The following STK24 variants were observed in gnomAD, a reference collection of about 807,000 sequenced individuals.
STK24 encodes serine/threonine kinase 24.
A neutral mutation model predicts 55.6 loss-of-function variants in STK24; 21 were observed. That is an observed-to-expected ratio of 0.38 (90% confidence interval 0.27 to 0.54). The LOEUF (loss-of-function observed/expected upper bound fraction) is 0.54. STK24 is among the 20% of genes least tolerant of loss of function. The pLI, the probability that STK24 is intolerant of heterozygous loss-of-function variation, is 0.79. For synonymous variants in STK24, 200 were observed against 215.2 expected (o/e 0.93, Z 0.62); for missense variants, 383 against 538.4 (o/e 0.71, Z 2.86).
intron 9 of STK24, among the ~76,000 whole-genome samples, chr13:98,458,007 A>G (rs995400361): frequency 3.9e-5 from 6 of 152,228 alleles, no homozygotes; most frequent in African/African-American, 1.4e-4. Flanking sequence ...TTCTGATCTC[A>G]ACACTGCTTA....
At chr13:98,477,550 T>C (rs1894423250) in intron 3 of STK24, among the ~76,000 whole-genome samples, 1 of 151,890 alleles carries the variant, frequency 6.6e-6, no homozygotes, top group Admixed American at 6.6e-5. Context: ...TGGCACATGC[T>C]TGTAATCCCA....
chr13:98,540,107 G>T lies in STK24; in HGVS notation c.43-20634C>A, dbSNP rs1896847148. Among the ~76,000 whole-genome samples, 3 of 152,214 alleles carry T rather than the reference G, an allele frequency of 2.0e-5. No individual in the cohort carries two copies. In the South Asian group the frequency reaches 6.2e-4, roughly 32 times the overall value. On this transcript the variant is annotated intron_variant, in intron 1 of 10. Transcript: ENST00000539966. ...ACGTCATGCTAAGCAAAAGCAGCCAGTCACAAAGGAACACATACTGTGTGA... is the reference window on the plus strand; with the variant it reads ...ACGTCATGCTAAGCAAAAGCAGCCATTCACAAAGGAACACATACTGTGTGA...
chr13:98,506,846 A>C (rs575242918), intron 2 of STK24, among the ~76,000 whole-genome samples: 1 of 152,360 alleles, frequency 6.6e-6, no homozygotes, highest in Non-Finnish European at 1.5e-5. Context: ...TAGGACAAAT[A>C]CAGTCTTTTG....
chr13:98,565,313 G>A (rs1175342753), intron 1 of STK24, among the ~76,000 whole-genome samples: 4 of 151,912 alleles, frequency 2.6e-5, no homozygotes, highest in Non-Finnish European at 4.4e-5. Flanking sequence ...AACCCCTCCA[G>A]GTGACACTGA....
chr13:98,564,177 T>G (rs913204909), intron 1 of STK24, among the ~76,000 whole-genome samples: 2 of 152,234 alleles, frequency 1.3e-5, no homozygotes, highest in African/African-American at 2.4e-5. Flanking sequence ...TTCTGAAATA[T>G]ATGTATAGTA....
intron 2 of STK24, 31 bp downstream of exon 2, chr13:98,519,212 G>C (rs753834874): frequency 6.3e-7 from 1 of 1,578,926 alleles, no homozygotes; most frequent in Non-Finnish European, 8.7e-7. Context: ...AAGTGCTGCA[G>C]AACGGAGAAG....
rs1180327064 is a variant in STK24, at chr13:98,450,936, C to T, written c.*2237G>A. On this transcript the variant is annotated 3_prime_UTR_variant, in exon 11 of 11. Transcript: ENST00000539966. ...GGCGAGCTTTCTAACTCCATCAAAC[C>T]CCACCTCCCCCGACAGGAAATGCTG... 6.6e-6 allele frequency: 1 copy of T among 152,166 alleles called. No homozygotes were observed. Among genetic ancestry groups the T allele is most frequent in the African/African-American group, 2.4e-5 (1 of 41,426 alleles). The allele number at this position is 152,166 out of a possible 1,614,324, so 9.4% of individuals were successfully genotyped here. A position where few individuals can be genotyped will look rare whatever the true frequency, so the allele number is the denominator to read the frequency against.
intron 1 of STK24, among the ~76,000 whole-genome samples, chr13:98,541,470 AC>A (rs547576886): frequency 6.6e-6 from 1 of 152,190 alleles, no homozygotes; most frequent in Non-Finnish European, 1.5e-5. Flanking sequence ...TATTATGAAA[AC>A]TTTTGAGGTT....
Position 98,446,546 on chromosome 13 carries a change from C to T in STK24, c.*6627G>A. On this transcript the variant is annotated 3_prime_UTR_variant, in exon 11 of 11. Coordinates refer to ENST00000539966, the MANE Select transcript of STK24 (RefSeq NM_001032296.4). ...ACTGGCTGCCATGGTCCCTTCCAGG[C>T]CCACGCCCGAGGAGGGAGCTGCCTG... 1 of 1,027,932 alleles carries T rather than the reference C, an allele frequency of 9.7e-7. No individual in the cohort carries two copies. The highest frequency in any genetic ancestry group is 2.4e-5 in the East Asian group (1 of 42,046). 63.7% of individuals were successfully genotyped at this position (1,027,932 alleles called of 1,614,324 possible).
chr13:98,448,002 T>C lies in STK24; in HGVS notation c.*5171A>G, dbSNP rs1224396170. 2.3e-5 allele frequency: 13 copies of C among 569,814 alleles called. No homozygotes were observed. The highest frequency in any genetic ancestry group is 1.9e-4 in the Admixed American group (6 of 31,838). The allele number at this position is 569,814 out of a possible 1,614,324, so 35.3% of individuals were successfully genotyped here. On this transcript the variant is annotated 3_prime_UTR_variant, in exon 11 of 11. Coordinates refer to ENST00000539966, the MANE Select transcript of STK24 (RefSeq NM_001032296.4). ...CTAACTGCTCCAATGGAGCGGGCAG[T>C]GTCACTGCAGCAAGGTACTTCCAGC...
chr13:98,554,365 C>T (rs1897235044), intron 1 of STK24, among the ~76,000 whole-genome samples: 1 of 152,132 alleles, frequency 6.6e-6, no homozygotes, highest in African/African-American at 2.4e-5. Flanking sequence ...CTAAAATTAC[C>T]TCTGACTAAA....
intron 2 of STK24, among the ~76,000 whole-genome samples, chr13:98,501,606 G>A (rs1170197761): frequency 6.6e-6 from 1 of 152,152 alleles, no homozygotes; most frequent in African/African-American, 2.4e-5. Flanking sequence ...TAGGTTATCT[G>A]TATCAAAACA....
At chr13:98,470,964 G>A (rs1185194293) in intron 5 of STK24, among the ~76,000 whole-genome samples, 4 of 152,216 alleles carry the variant, frequency 2.6e-5, no homozygotes, top group African/African-American at 7.2e-5. Context: ...GAACACACTT[G>A]TAACTGGCAT....
intron 3 of STK24, among the ~76,000 whole-genome samples, chr13:98,481,249 T>C (rs1441565875): frequency 2.0e-5 from 3 of 152,238 alleles, no homozygotes; most frequent in Non-Finnish European, 4.4e-5. Context: ...ATATGCTGGT[T>C]ATCTGTAAGC....
rs1324649286 is a variant in STK24 at position 98,538,775 on chromosome 13, T to C, written c.43-19302A>G. 3.3e-5 allele frequency among the ~76,000 whole-genome samples: 5 copies of C among 152,306 alleles called. 1 individual carries two copies. The highest frequency in any genetic ancestry group is 1.3e-4 in the Admixed American group (2 of 15,304). On this transcript the variant is annotated intron_variant, in intron 1 of 10. Coordinates refer to ENST00000539966, the MANE Select transcript of STK24 (RefSeq NM_001032296.4). ...CTTCCAGAGCAGCCCACCTGCCGCC[T>C]GACCTCCTAGGTTCATCACTGCCAC...
intron 1 of STK24, among the ~76,000 whole-genome samples, chr13:98,575,167 T>C (rs1256535833): frequency 6.6e-6 from 1 of 152,174 alleles, no homozygotes; most frequent in Non-Finnish European, 1.5e-5. Flanking sequence ...TCTAAATTCA[T>C]ACCAAAGCGG....
chr13:98,525,189 G>A (rs1472284951), intron 1 of STK24, among the ~76,000 whole-genome samples: 2 of 152,234 alleles, frequency 1.3e-5, no homozygotes, highest in Non-Finnish European at 2.9e-5. Flanking sequence ...TTTGCTCACC[G>A]AGGAAAGTAG....
intron 1 of STK24, among the ~76,000 whole-genome samples, chr13:98,550,360 G>T (rs1897129816): frequency 3.3e-5 from 5 of 152,118 alleles, no homozygotes; most frequent in African/African-American, 1.2e-4. Context: ...GCAACATAGG[G>T]GGAACCTGTC....
At chr13:98,546,382 ACG>A (rs1331552498) in intron 1 of STK24, among the ~76,000 whole-genome samples, 1 of 149,296 alleles carries the variant, frequency 6.7e-6, no homozygotes, top group Non-Finnish European at 1.5e-5. Context: ...AAAAACACAC[ACG>A]AGTAAATCAC....
Sources: gnomAD v4.1 joint callset for allele counts (sites outside exome capture counted in the v4.1 genomes callset) on GRCh38, gnomAD v4.1.1 for gene constraint, MANE v1.5 for transcripts, NCBI Gene and HGNC (gene_info 2026-07-23, HGNC 2026-07-21) for gene names.